RUSC2: variants seen among roughly 807,000 people sequenced by gnomAD.
RUSC2 encodes AP-4 complex accessory subunit RUSC2.
Under a neutral mutation model 122.2 loss-of-function variants are expected in RUSC2, and 34 were observed. The observed-to-expected ratio is 0.28, with a 90% confidence interval of 0.21 to 0.37. The LOEUF is 0.37. Among genes scored for constraint, RUSC2 ranks in the 10% least tolerant of loss-of-function variants. The probability of loss-of-function intolerance (pLI) is 1.00; values close to 1 mark genes in which losing one functional copy is unlikely to be tolerated. For missense variants in RUSC2, 1,747 were observed against 1,952.4 expected (o/e 0.89, Z 1.98); for synonymous variants, 784 against 790.0 (o/e 0.99, Z 0.13).
rs748199369 is a variant in RUSC2, at chr9:35,560,089, C to A, written c.3449C>A (p.Pro1150His). ...CTGAGTGCAGCTCATACCGTGTGTC[C>A]CGGCCTCTTTGAAGAGCTGCTGCTG... ...GFLSAAHTVC[P>H]GLFEELLLLL... The change falls in exon 10 of 12, where the codon CCC (proline) becomes CAC (histidine). Residue 1150 changes from proline to histidine, a missense_variant. By Grantham distance (77) the Pro-to-His change is moderately conservative (BLOSUM62 -2). Coordinates refer to ENST00000361226, the MANE Select transcript of RUSC2 (RefSeq NM_014806.5). 1 of 1,613,844 alleles carries A rather than the reference C, an allele frequency of 6.2e-7. No homozygotes were observed. Among genetic ancestry groups the A allele is most frequent in the Non-Finnish European group, 8.5e-7 (1 of 1,179,952 alleles).
In RUSC2 at chr9:35,555,181, C is replaced by A; in HGVS notation, c.2136C>A (p.Ala712=). The change falls in exon 3 of 12, where the codon GCC becomes GCA. Residue 712 remains alanine (A), a synonymous_variant. Coordinates refer to ENST00000361226, the MANE Select transcript of RUSC2 (RefSeq NM_014806.5). The surrounding 1 kb of genome is among the most constrained non-coding windows in gnomAD (Gnocchi z 4.6). The stretch of plus-strand genomic sequence containing the variant: ...CCAAGCAGCTGGCCAAGGCCCGGGC[C>A]CTCCACAGCCTTTCCCAGCTCTACA... ...HFPKQLAKAR[A]LHSLSQLYSL... 6.2e-7 allele frequency: 1 copy of A among 1,613,606 alleles called. No homozygotes were observed. The highest frequency in any genetic ancestry group is 8.5e-7 in the Non-Finnish European group (1 of 1,180,010).
chr9:35,555,366 C>G lies in RUSC2; in HGVS notation c.2321C>G (p.Pro774Arg). 6.2e-7 allele frequency: 1 copy of G among 1,614,252 alleles called. No individual in the cohort carries two copies. The highest frequency in any genetic ancestry group is 8.5e-7 in the Non-Finnish European group (1 of 1,180,040). The change falls in exon 3 of 12, where the codon CCA becomes CGA. Residue 774 changes from proline to arginine, a missense_variant. Pro to Arg is a moderately radical substitution (Grantham distance 103). Coordinates refer to ENST00000361226, the MANE Select transcript of RUSC2 (RefSeq NM_014806.5). This position sits in a 1 kb window ranked among gnomAD's most constrained non-coding sequence, Gnocchi z 4.6. Reference sequence around the variant, plus strand: ...GGGTCTGAGCCAGAGACCTCTCGGCCATCGCCCCTGGGCAGCTACTCCCCC... The same window carrying G: ...GGGTCTGAGCCAGAGACCTCTCGGCGATCGCCCCTGGGCAGCTACTCCCCC... ...KAGSEPETSR[P>R]SPLGSYSPIR...
At chr9:35,530,523 G>A (rs1821399307) in intron 1 of RUSC2, among the ~76,000 whole-genome samples, 1 of 152,096 alleles carries the variant, frequency 6.6e-6, no homozygotes, top group Non-Finnish European at 1.5e-5. Context: ...GAGGGAATGG[G>A]GAAAACAATC....
At chr9:35,549,853 T>G (rs1821847746) in intron 2 of RUSC2, among the ~76,000 whole-genome samples, 1 of 152,228 alleles carries the variant, frequency 6.6e-6, no homozygotes, top group Non-Finnish European at 1.5e-5. Context: ...GTCTGCTTAA[T>G]TATATGTTTT....
At position 35,533,688 on chromosome 9, in the gene RUSC2, G is replaced by T. The variant is rs536800088; in HGVS notation, c.-92-12742G>T. ...CTTTTTGTCTCTATAGATTTGCCTT[G>T]TCTGGACATATCATGTAAATGGAAT... On this transcript the variant is annotated intron_variant, in intron 1 of 11. Transcript: ENST00000361226. 2.6e-5 allele frequency among the ~76,000 whole-genome samples: 4 copies of T among 152,274 alleles called. No individual in the cohort carries two copies. The South Asian group carries it at 8.3e-4, about 32-fold the overall frequency.
chr9:35,508,915 C>T lies in RUSC2; in HGVS notation c.-93+18743C>T, dbSNP rs537945737. On this transcript the variant is annotated intron_variant, in intron 1 of 11. Transcript: ENST00000361226. Reference sequence around the variant, plus strand: ...ATATGAGTCTACAAATTGAAAGAGTCCACTCAGCACCCAGCATAACAAATA... The same window carrying T: ...ATATGAGTCTACAAATTGAAAGAGTTCACTCAGCACCCAGCATAACAAATA... 2.0e-5 allele frequency among the ~76,000 whole-genome samples: 3 copies of T among 152,234 alleles called. No homozygotes were observed. The South Asian group carries it at 6.2e-4, about 32-fold the overall frequency.
At chr9:35,541,696 C>T (rs1424349342) in intron 1 of RUSC2, among the ~76,000 whole-genome samples, 2 of 152,024 alleles carry the variant, frequency 1.3e-5, no homozygotes, top group Non-Finnish European at 2.9e-5. Context: ...CCACCTGCCT[C>T]AGCCTCCCAA....
At position 35,556,154 on chromosome 9, in the gene RUSC2, C is replaced by A. The variant is rs776739305; in HGVS notation, c.2842+17C>A. The stretch of plus-strand genomic sequence containing the variant: ...GGCTGAATGGTGTGTGAGCAGGGTC[C>A]CCAGTACACCCGGGGCAGGCTCTGC... On this transcript the variant is annotated intron_variant, in intron 4 of 11. Transcript: ENST00000361226. 1.2e-6 allele frequency: 2 copies of A among 1,612,482 alleles called. No individual in the cohort carries two copies. Among genetic ancestry groups the A allele is most frequent in the South Asian group, 2.2e-5 (2 of 90,948 alleles).
chr9:35,548,289 G>A lies in RUSC2; in HGVS notation c.1768G>A (p.Gly590Ser). 6.2e-7 allele frequency: 1 copy of A among 1,614,008 alleles called. No homozygotes were observed. The highest frequency in any genetic ancestry group is 1.1e-5 in the South Asian group (1 of 91,090). ...AGATCGGGGGGCCCCACTGGATGAG[G>A]GCACTTGCTGTAGCCATAGCCTGCC... The part of the protein sequence containing the change: ...QQDRGAPLDE[G>S]TCCSHSLPPM... Residue 590 changes from glycine (G) to serine (S), a missense_variant, in exon 2 of 12, where the codon GGC (glycine) becomes AGC (serine). By Grantham distance (56) the Gly-to-Ser change is moderately conservative (BLOSUM62 0). Coordinates refer to ENST00000361226, the MANE Select transcript of RUSC2 (RefSeq NM_014806.5). This position sits in a 1 kb window ranked among gnomAD's most constrained non-coding sequence, Gnocchi z 4.5.
chr9:35,551,932 C>T (rs921503890), intron 2 of RUSC2, among the ~76,000 whole-genome samples: 1 of 152,032 alleles, frequency 6.6e-6, no homozygotes, highest in African/African-American at 2.4e-5. Context: ...GGAGTGATGG[C>T]ACATGCCTGT....
At chr9:35,554,697 G>A (rs1025734039) in intron 2 of RUSC2, among the ~76,000 whole-genome samples, 3 of 152,142 alleles carry the variant, frequency 2.0e-5, no homozygotes, top group Non-Finnish European at 4.4e-5. Flanking sequence ...TGAAGAGGAA[G>A]GTCCAGGCTA....
chr9:35,556,940 C>T (rs990577863), intron 5 of RUSC2, among the ~76,000 whole-genome samples: 12 of 152,134 alleles, frequency 7.9e-5, no homozygotes, highest in Non-Finnish European at 1.6e-4. Flanking sequence ...TGTGAGTGAG[C>T]AAGGGTCATT....
chr9:35,545,274 G>A (rs1251526758), intron 1 of RUSC2, among the ~76,000 whole-genome samples: 1 of 152,158 alleles, frequency 6.6e-6, no homozygotes, highest in Non-Finnish European at 1.5e-5. Context: ...TAGACTCAGG[G>A]TGAGTGAAAA....
intron 1 of RUSC2, among the ~76,000 whole-genome samples, chr9:35,514,236 C>G (rs1337391093): frequency 3.3e-5 from 5 of 152,004 alleles, no homozygotes; most frequent in Admixed American, 6.6e-5. Flanking sequence ...TGAGAAAATA[C>G]AACCAGTAGC....
chr9:35,557,783 A>G lies in RUSC2; in HGVS notation c.2984-131A>G. 2.7e-6 allele frequency: 2 copies of G among 740,766 alleles called. No homozygotes were observed. The highest frequency in any genetic ancestry group is 2.4e-6 in the Non-Finnish European group (1 of 411,108). The allele number at this position is 740,766 out of a possible 1,614,324, so 45.9% of individuals were successfully genotyped here. A position where few individuals can be genotyped will look rare whatever the true frequency, so the allele number is the denominator to read the frequency against. The stretch of plus-strand genomic sequence containing the variant: ...AGGGCCAGGCCTGAATGTTTTGATA[A>G]GACCCATGTGCAGATGTGGAGACGG... On this transcript the variant is annotated intron_variant, in intron 5 of 11. Transcript: ENST00000361226. The surrounding 1 kb of genome is among the most constrained non-coding windows in gnomAD (Gnocchi z 4.6).
chr9:35,549,652 G>A (rs547492944), intron 2 of RUSC2, among the ~76,000 whole-genome samples: 12 of 152,270 alleles, frequency 7.9e-5, no homozygotes, highest in South Asian at 4.1e-4. Flanking sequence ...GCTTTGTGAC[G>A]ACTTGTAAGA....
At chr9:35,504,245 A>G (rs562906906) in intron 1 of RUSC2, among the ~76,000 whole-genome samples, 23 of 152,328 alleles carry the variant, frequency 1.5e-4, no homozygotes, top group Admixed American at 5.9e-4. Context: ...GTACCAAAAT[A>G]TACATACACT....
intron 1 of RUSC2, among the ~76,000 whole-genome samples, chr9:35,530,958 C>T (rs986693169): frequency 6.6e-6 from 1 of 151,990 alleles, no homozygotes; most frequent in Admixed American, 6.6e-5. Context: ...GAACTTTGAA[C>T]GCCACATTAA....
chr9:35,507,571 A>C lies in RUSC2; in HGVS notation c.-93+17399A>C, dbSNP rs908820814. ...GACAGCACTCCAGCGAACATGGTGA[A>C]TGTTCCCCAAACCCACCAGACTTTC... On this transcript the variant is annotated intron_variant, in intron 1 of 11. Coordinates refer to ENST00000361226, the MANE Select transcript of RUSC2 (RefSeq NM_014806.5). 16 of 217,244 alleles carry C rather than the reference A, an allele frequency of 7.4e-5. No individual in the cohort carries two copies. In the South Asian group the frequency reaches 1.3e-3, roughly 17 times the overall value. The allele number at this position is 217,244 out of a possible 1,614,324, so 13.5% of individuals were successfully genotyped here.
Sources: gnomAD v4.1 joint callset for allele counts (sites outside exome capture counted in the v4.1 genomes callset) on GRCh38, gnomAD v4.1.1 for gene constraint, Gnocchi (gnomAD v3.1) non-coding constraint, MANE v1.5 for transcripts, NCBI Gene and HGNC (gene_info 2026-07-23, HGNC 2026-07-21) for gene names.